IL20: variants seen among roughly 807,000 people sequenced by gnomAD.
IL20 encodes the protein interleukin 20, also known as interleukin-20.
In IL20, 22 loss-of-function variants were observed where a neutral mutation model predicts 19.2. The ratio of observed to expected loss-of-function variants is 1.15; its 90% CI spans 0.82 to 1.64. The LOEUF is 1.64. IL20 is among the 40% of genes most tolerant of loss of function. The probability of loss-of-function intolerance (pLI) is 0.00; values close to 1 mark genes in which losing one functional copy is unlikely to be tolerated. For synonymous variants in IL20, 70 were observed against 76.2 expected, an observed-to-expected ratio of 0.92 and a Z score of 0.43; for missense variants, 215 against 212.8, an observed-to-expected ratio of 1.01 and a Z score of -0.06.
chr1:206,864,919 T>C (rs992631269), upstream of IL20, among the ~76,000 whole-genome samples: 2 of 152,206 alleles, frequency 1.3e-5, no homozygotes, highest in African/African-American at 2.4e-5. Context: ...TATTATTTTA[T>C]CTTAAAACTC....
At chr1:206,865,561 G>A, upstream of IL20, 1 of 1,177,902 alleles carries the variant, frequency 8.5e-7, no homozygotes, top group Non-Finnish European at 1.1e-6. This position sits in a 1 kb window ranked among gnomAD's most constrained non-coding sequence, Gnocchi z 4.1. Context: ...TACCTGCTGG[G>A]CACTAACGGC....
chr1:206,865,747 C>A lies in IL20; in HGVS notation c.-31+61C>A, dbSNP rs1677525574. 24 of 1,467,520 alleles carry A rather than the reference C, an allele frequency of 1.6e-5. No individual in the cohort carries two copies. The highest frequency in any genetic ancestry group is 4.8e-5 in the East Asian group (2 of 41,974). The allele number at this position is 1,467,520 out of a possible 1,614,324, so 90.9% of individuals were successfully genotyped here. A position where few individuals can be genotyped will look rare whatever the true frequency, so the allele number is the denominator to read the frequency against. On this transcript the variant is annotated intron_variant, in intron 1 of 5. Transcript: ENST00000367098. This position sits in a 1 kb window ranked among gnomAD's most constrained non-coding sequence, Gnocchi z 4.1. ...AGATAAGGCTGTTCTCTTCCCCTGACCCCCCACCCCTCACCCCGTGGACAC... is the reference window on the plus strand; with the variant it reads ...AGATAAGGCTGTTCTCTTCCCCTGAACCCCCACCCCTCACCCCGTGGACAC...
chr1:206,866,325 C>T lies in IL20; in HGVS notation c.186C>T (p.Ile62=), dbSNP rs1016612055. Reference sequence around the variant, plus strand: ...AAGCCAAAGATGGAAACATTGACATCAGAATCTTAAGGAGGACTGAGTCTT... The same window carrying T: ...AAGCCAAAGATGGAAACATTGACATTAGAATCTTAAGGAGGACTGAGTCTT... ...SVQAKDGNID[I]RILRRTESLQ... Residue 62 remains isoleucine, a synonymous_variant, in exon 3 of 6, where the codon ATC becomes ATT. Coordinates refer to ENST00000367098, the MANE Select transcript of IL20 (RefSeq NM_018724.4). 2.5e-6 allele frequency: 4 copies of T among 1,613,952 alleles called. No individual in the cohort carries two copies. In the African/African-American group the frequency reaches 5.3e-5, roughly 22 times the overall value.
intron 4 of IL20, among the ~76,000 whole-genome samples, chr1:206,866,884 G>T (rs978909939): frequency 8.5e-5 from 13 of 152,112 alleles, no homozygotes; most frequent in Non-Finnish European, 1.9e-4. Context: ...TGATATTAAT[G>T]ATAACTCTGT....
At position 206,868,476 on chromosome 1, in the gene IL20, G is replaced by A. The variant is rs575562744; in HGVS notation, c.454-11G>A. ...TGAATTGCTAACCACATGGGTGTGT[G>A]TCTCTTTCAGCTGGAACCTCAGGCA... On this transcript the variant is annotated splice_polypyrimidine_tract_variant and intron_variant, in intron 5 of 5. Transcript: ENST00000367098. 4.4e-6 allele frequency: 7 copies of A among 1,581,988 alleles called. No homozygotes were observed. The South Asian group carries it at 6.9e-5, about 16-fold the overall frequency.
upstream of IL20, chr1:206,865,527 G>C: frequency 9.0e-7 from 1 of 1,109,994 alleles, no homozygotes; most frequent in East Asian, 5.3e-5. The surrounding 1 kb of genome is among the most constrained non-coding windows in gnomAD (Gnocchi z 4.1). Flanking sequence ...TCTATTCACT[G>C]CAAGTGCCTG....
chr1:206,865,482 A>T (rs948022437), upstream of IL20: 5 of 1,022,630 alleles, frequency 4.9e-6, no homozygotes, highest in Non-Finnish European at 5.9e-6. This position sits in a 1 kb window ranked among gnomAD's most constrained non-coding sequence, Gnocchi z 4.1. Flanking sequence ...TCCCCAAAAC[A>T]AGTTTTGACA....
In IL20 at chr1:206,868,523, G is replaced by A. The variant is rs201016540; in HGVS notation, c.490G>A (p.Glu164Lys). ...GGCAGCAGTTGTGAAGGCTTTGGGG[G>A]AACTAGACATTCTTCTGCAATGGAT... Reference protein sequence around the residue: ...PQAAVVKALGELDILLQWMEE... With the variant: ...PQAAVVKALGKLDILLQWMEE... The change falls in exon 6 of 6, where the codon GAA (glutamate) becomes AAA (lysine). Residue 164 changes from glutamate to lysine, a missense_variant. Physicochemically the swap from Glu to Lys is moderately conservative, Grantham distance 56 (BLOSUM62 1). Transcript: ENST00000367098. The A allele has an allele frequency of 1.2e-6, 2 of 1,603,542 alleles. No homozygotes were observed. The highest frequency in any genetic ancestry group is 1.7e-5 in the Admixed American group (1 of 58,614).
At chr1:206,868,414 C>T (rs1483210883) in intron 5 of IL20, 73 bp from the exon 6 acceptor site, 13 of 988,096 alleles carry the variant, frequency 1.3e-5, no homozygotes, top group Non-Finnish European at 1.9e-5. Context: ...CAGACCTATC[C>T]ATAAAAGAGA....
At chr1:206,864,754 A>G (rs1012738853), upstream of IL20, among the ~76,000 whole-genome samples, 4 of 152,170 alleles carry the variant, frequency 2.6e-5, no homozygotes, top group South Asian at 8.3e-4. Flanking sequence ...TTGTCTTTAT[A>G]TAAAATTTTG....
In IL20 at chr1:206,866,572, C is replaced by T. The variant is rs1338659140; in HGVS notation, c.314C>T (p.Thr105Ile). Reference protein sequence around the residue: ...FKNYQTPDHYTLRKISSLANS... With the variant: ...FKNYQTPDHYILRKISSLANS... Reference sequence around the variant, plus strand: ...AACTACCAGACCCCTGACCATTATACTCTCCGGAAGATCAGCAGCCTCGCC... The same window carrying T: ...AACTACCAGACCCCTGACCATTATATTCTCCGGAAGATCAGCAGCCTCGCC... Residue 105 changes from threonine (T) to isoleucine (I), a missense_variant, in exon 4 of 6, where the codon ACT (threonine) becomes ATT (isoleucine). Physicochemically the swap from Thr to Ile is moderately conservative, Grantham distance 89. Coordinates refer to ENST00000367098, the MANE Select transcript of IL20 (RefSeq NM_018724.4). 1.2e-6 allele frequency: 2 copies of T among 1,614,026 alleles called. No homozygotes were observed. The highest frequency in any genetic ancestry group is 1.7e-6 in the Non-Finnish European group (2 of 1,179,982).
Position 206,868,655 on chromosome 1 carries a change from T to C in IL20, c.*91T>C. ...GGAGGCATGACCCCAAACCACCATC[T>C]CTTTACTGTACTAGTCTTGTGCTGG... On this transcript the variant is annotated 3_prime_UTR_variant, in exon 6 of 6. Coordinates refer to ENST00000367098, the MANE Select transcript of IL20 (RefSeq NM_018724.4). 1 of 820,638 alleles carries C rather than the reference T, an allele frequency of 1.2e-6. No individual in the cohort carries two copies. Among genetic ancestry groups the C allele is most frequent in the East Asian group, 2.9e-5 (1 of 34,386 alleles). 50.8% of individuals were successfully genotyped at this position (820,638 alleles called of 1,614,324 possible).
chr1:206,866,574 C>A lies in IL20; in HGVS notation c.316C>A (p.Leu106Ile). 2 of 1,614,152 alleles carry A rather than the reference C, an allele frequency of 1.2e-6. No homozygotes were observed. The highest frequency in any genetic ancestry group is 8.5e-7 in the Non-Finnish European group (1 of 1,179,978). ...CTACCAGACCCCTGACCATTATACT[C>A]TCCGGAAGATCAGCAGCCTCGCCAA... The part of the protein sequence containing the change: ...KNYQTPDHYT[L>I]RKISSLANSF... The change falls in exon 4 of 6, where the codon CTC becomes ATC. Residue 106 changes from leucine to isoleucine, a missense_variant. Physicochemically the swap from Leu to Ile is conservative, Grantham distance 5 (BLOSUM62 2). Coordinates refer to ENST00000367098, the MANE Select transcript of IL20 (RefSeq NM_018724.4).
upstream of IL20, among the ~76,000 whole-genome samples, chr1:206,864,815 T>C (rs1245505545): frequency 3.3e-5 from 5 of 152,230 alleles, no homozygotes. Context: ...TGCACTAAAA[T>C]ATTTTTATCT....
chr1:206,867,304 T>A, intron 4 of IL20, 80 bp from the exon 5 acceptor site: 1 of 1,194,988 alleles, frequency 8.4e-7, no homozygotes, highest in Admixed American at 1.7e-5. Flanking sequence ...GGTGAAAGAG[T>A]AGAGTTTCTG....
intron 5 of IL20, 67 bp from the exon 6 acceptor site, chr1:206,868,420 A>C: frequency 1.8e-6 from 2 of 1,136,938 alleles, no homozygotes; most frequent in Non-Finnish European, 2.5e-6. Context: ...TATCCATAAA[A>C]GAGATAGGTC....
In IL20 at chr1:206,868,607, C is replaced by T; in HGVS notation, c.*43C>T. Reference sequence around the variant, plus strand: ...TGCTAAGAATATTCGAGGTCAAGAGCTCCAGTCTTCAATACCTGCAGAGGA... The same window carrying T: ...TGCTAAGAATATTCGAGGTCAAGAGTTCCAGTCTTCAATACCTGCAGAGGA... On this transcript the variant is annotated 3_prime_UTR_variant, in exon 6 of 6. Coordinates refer to ENST00000367098, the MANE Select transcript of IL20 (RefSeq NM_018724.4). 1 of 1,469,422 alleles carries T rather than the reference C, an allele frequency of 6.8e-7. No individual in the cohort carries two copies. Among genetic ancestry groups the T allele is most frequent in the Admixed American group, 2.0e-5 (1 of 49,534 alleles). 91.0% of individuals were successfully genotyped at this position (1,469,422 alleles called of 1,614,324 possible).
chr1:206,865,837 A>C lies in IL20; in HGVS notation c.-16A>C, dbSNP rs1677528237. On this transcript the variant is annotated 5_prime_UTR_variant, in exon 2 of 6. Coordinates refer to ENST00000367098, the MANE Select transcript of IL20 (RefSeq NM_018724.4). The surrounding 1 kb of genome is among the most constrained non-coding windows in gnomAD (Gnocchi z 4.1). Reference sequence around the variant, plus strand: ...TGAATTCCTAGCTCCTGTGGTCTCCAGATTTCAGGCCTAAGATGAAAGCCT... The same window carrying C: ...TGAATTCCTAGCTCCTGTGGTCTCCCGATTTCAGGCCTAAGATGAAAGCCT... 1.2e-6 allele frequency: 2 copies of C among 1,613,432 alleles called. No individual in the cohort carries two copies. The highest frequency in any genetic ancestry group is 1.7e-4 in the Middle Eastern group (1 of 6,054).
chr1:206,868,631 G>A lies in IL20; in HGVS notation c.*67G>A, dbSNP rs1572591547. The stretch of plus-strand genomic sequence containing the variant: ...GCTCCAGTCTTCAATACCTGCAGAG[G>A]AGGCATGACCCCAAACCACCATCTC... On this transcript the variant is annotated 3_prime_UTR_variant, in exon 6 of 6. Transcript: ENST00000367098. 2 of 1,207,416 alleles carry A rather than the reference G, an allele frequency of 1.7e-6. No individual in the cohort carries two copies. The highest frequency in any genetic ancestry group is 1.5e-5 in the South Asian group (1 of 64,732). The allele number at this position is 1,207,416 out of a possible 1,614,324, so 74.8% of individuals were successfully genotyped here.
Sources: gnomAD v4.1 joint callset for allele counts (sites outside exome capture counted in the v4.1 genomes callset) on GRCh38, gnomAD v4.1.1 for gene constraint, Gnocchi (gnomAD v3.1) non-coding constraint, MANE v1.5 for transcripts, NCBI Gene and HGNC (gene_info 2026-07-23, HGNC 2026-07-21) for gene names.